DYNC1H1: variants seen among roughly 807,000 people sequenced by gnomAD.
The protein encoded by DYNC1H1 is dynein cytoplasmic 1 heavy chain 1.
Under a neutral mutation model 527.1 loss-of-function variants are expected in DYNC1H1, and 51 were observed. That is an observed-to-expected ratio of 0.10 (90% CI 0.08 to 0.12). The LOEUF is 0.12. DYNC1H1 is among the 10% of genes least tolerant of loss of function. DYNC1H1 has a pLI of 1.00. For missense variants in DYNC1H1, 2,771 were observed against 5,971.8 expected, an observed-to-expected ratio of 0.46 and a Z score of 17.66; for synonymous variants, 2,189 against 2,278.8, an observed-to-expected ratio of 0.96 and a Z score of 1.12.
intron 74 of DYNC1H1, 104 bp downstream of exon 74, chr14:102,048,773 G>A (rs1307960436): frequency 6.7e-6 from 9 of 1,342,050 alleles, no homozygotes; most frequent in Non-Finnish European, 9.0e-6. Context: ...AGCCAGGCCT[G>A]CAGGAGCTTC....
intron 2 of DYNC1H1, 32 bp downstream of exon 2, chr14:101,975,831 G>C: frequency 6.6e-7 from 1 of 1,506,058 alleles, no homozygotes; most frequent in Non-Finnish European, 9.2e-7. Flanking sequence ...ATTATCTCAG[G>C]TTATAAATTT....
intron 11 of DYNC1H1, among the ~76,000 whole-genome samples, chr14:101,993,548 G>A (rs1291118845): frequency 6.6e-6 from 1 of 152,142 alleles, no homozygotes; most frequent in African/African-American, 2.4e-5. Context: ...GAGTCTTGCT[G>A]GTCCTCAAAC....
At position 101,979,223 on chromosome 14, in the gene DYNC1H1, A is replaced by G. The variant is rs1375322603; in HGVS notation, c.345-96A>G. ...CAAGCAGTGCATTTCACTATTAGAA[A>G]AGCAACACTTCAGTATATTCTTGTA... On this transcript the variant is annotated intron_variant, in intron 2 of 77. Transcript: ENST00000360184. This position sits in a 1 kb window ranked among gnomAD's most constrained non-coding sequence, Gnocchi z 4.6. 8.0e-7 allele frequency: 1 copy of G among 1,250,246 alleles called. No homozygotes were observed. The highest frequency in any genetic ancestry group is 1.1e-6 in the Non-Finnish European group (1 of 875,370). The allele number at this position is 1,250,246 out of a possible 1,614,324, so 77.4% of individuals were successfully genotyped here. A position where few individuals can be genotyped will look rare whatever the true frequency, so the allele number is the denominator to read the frequency against.
At position 102,041,865 on chromosome 14, in the gene DYNC1H1, A is replaced by G. The variant is rs937607078; in HGVS notation, c.12102+131A>G. The stretch of plus-strand genomic sequence containing the variant: ...CCTCCTAAGACCAGGAACTCGCTGC[A>G]GATTCTCAACTCCTGGCTGCATGGT... On this transcript the variant is annotated intron_variant, in intron 65 of 77. Transcript: ENST00000360184. This position sits in a 1 kb window ranked among gnomAD's most constrained non-coding sequence, Gnocchi z 4.5. 2.4e-5 allele frequency: 37 copies of G among 1,527,254 alleles called. No homozygotes were observed. Among genetic ancestry groups the G allele is most frequent in the Middle Eastern group, 1.8e-4 (1 of 5,660 alleles). The allele number at this position is 1,527,254 out of a possible 1,614,324, so 94.6% of individuals were successfully genotyped here.
Position 101,983,347 on chromosome 14 carries a change from T to C in DYNC1H1, c.1234-35T>C. 1.2e-6 allele frequency: 2 copies of C among 1,614,088 alleles called. No homozygotes were observed. The highest frequency in any genetic ancestry group is 1.7e-6 in the Non-Finnish European group (2 of 1,179,942). ...AAGACATTGAGATGAAAATATGTCT[T>C]AATAATAAGCCTCACTTTTGAAATT... On this transcript the variant is annotated intron_variant, in intron 6 of 77. Transcript: ENST00000360184. This position sits in a 1 kb window ranked among gnomAD's most constrained non-coding sequence, Gnocchi z 5.3.
At chr14:102,019,178 G>C (rs1474838838) in intron 41 of DYNC1H1, among the ~76,000 whole-genome samples, 1 of 152,222 alleles carries the variant, frequency 6.6e-6, no homozygotes, top group Non-Finnish European at 1.5e-5. Flanking sequence ...ATATCTGCCA[G>C]ATTGCTCTCA....
At chr14:102,022,103 T>C (rs2048391155) in intron 42 of DYNC1H1, among the ~76,000 whole-genome samples, 1 of 151,736 alleles carries the variant, frequency 6.6e-6, no homozygotes, top group African/African-American at 2.4e-5. Context: ...GCCACTGCAC[T>C]TCAGCCTGGG....
chr14:102,041,815 C>T lies in DYNC1H1; in HGVS notation c.12102+81C>T, dbSNP rs2048654295. On this transcript the variant is annotated intron_variant, in intron 65 of 77. Coordinates refer to ENST00000360184, the MANE Select transcript of DYNC1H1 (RefSeq NM_001376.5). This position sits in a 1 kb window ranked among gnomAD's most constrained non-coding sequence, Gnocchi z 4.5. ...CCACAGGTGGCAGCAGCCCTGGCAT[C>T]TGCTCTCACTCCGGGCTACAGTCTC... 6 of 1,603,784 alleles carry T rather than the reference C, an allele frequency of 3.7e-6. No homozygotes were observed. Among genetic ancestry groups the T allele is most frequent in the Non-Finnish European group, 5.1e-6 (6 of 1,174,858 alleles).
chr14:101,986,022 G>C lies in DYNC1H1; in HGVS notation c.1797G>C (p.Gly599=). The C allele has an allele frequency of 6.2e-7, 1 of 1,614,204 alleles. No individual in the cohort carries two copies. ...TGTTTGTCAGGCCTCACATCCGTGG[G>C]GCCATTCGCGAATACCAGACCCAGC... The part of the protein sequence containing the change: ...NALFVRPHIR[G]AIREYQTQLI... Residue 599 remains glycine (G), a synonymous_variant, in exon 8 of 78, where the codon GGG becomes GGC. Transcript: ENST00000360184. This position sits in a 1 kb window ranked among gnomAD's most constrained non-coding sequence, Gnocchi z 8.7.
At position 102,029,760 on chromosome 14, in the gene DYNC1H1, C is replaced by T. The variant is rs1303524119; in HGVS notation, c.9642+48C>T. 1.2e-6 allele frequency: 2 copies of T among 1,614,152 alleles called. No homozygotes were observed. The highest frequency in any genetic ancestry group is 2.2e-5 in the East Asian group (1 of 44,884). On this transcript the variant is annotated intron_variant, in intron 49 of 77. Transcript: ENST00000360184. This position sits in a 1 kb window ranked among gnomAD's most constrained non-coding sequence, Gnocchi z 5.3. ...TCACGGGAGTGAGCTGCAGTGAGGA[C>T]CCCTTTCCATATAATTTCTGCATGT...
At chr14:102,034,255 A>C in intron 55 of DYNC1H1, 67 bp downstream of exon 55, 1 of 1,614,240 alleles carries the variant, frequency 6.2e-7, no homozygotes, top group Non-Finnish European at 8.5e-7. Flanking sequence ...TTTAGTGCAC[A>C]GTTAGAGTCT....
chr14:101,996,632 G>A (rs2048066145), intron 15 of DYNC1H1, among the ~76,000 whole-genome samples: 1 of 151,786 alleles, frequency 6.6e-6, no homozygotes, highest in South Asian at 2.1e-4. Context: ...TCTGTGTTTT[G>A]TTTTGTTTGA....
Position 102,005,941 on chromosome 14 carries a change from G to A in DYNC1H1, c.5487G>A (p.Lys1829=). Residue 1829 remains lysine (K), a synonymous_variant, in exon 27 of 78, where the codon AAG becomes AAA. Transcript: ENST00000360184. The surrounding 1 kb of genome is among the most constrained non-coding windows in gnomAD (Gnocchi z 4.0). Reference sequence around the variant, plus strand: ...TTACAAGGTCCTTGATCAAAAGCAAGATTGACAACGCCAAATCTTTTGAAT... The same window carrying A: ...TTACAAGGTCCTTGATCAAAAGCAAAATTGACAACGCCAAATCTTTTGAAT... ...RDVTRSLIKS[K]IDNAKSFEWL... 1 of 1,614,254 alleles carries A rather than the reference G, an allele frequency of 6.2e-7. No homozygotes were observed. The highest frequency in any genetic ancestry group is 2.2e-5 in the East Asian group (1 of 44,884).
chr14:102,018,560 C>T lies in DYNC1H1; in HGVS notation c.8287C>T (p.Arg2763Trp), dbSNP rs2048351189. ...CATGCTGAGGCTCATTCCATCCCTG[C>T]GGACGTATGCAGAGCCGCTCACTGC... ...RAMLRLIPSL[R>W]TYAEPLTAAM... Residue 2763 changes from arginine to tryptophan, a missense_variant, in exon 41 of 78, where the codon CGG (arginine) becomes TGG (tryptophan). Transcript: ENST00000360184. This position sits in a 1 kb window ranked among gnomAD's most constrained non-coding sequence, Gnocchi z 5.2. 1 of 1,614,046 alleles carries T rather than the reference C, an allele frequency of 6.2e-7. No individual in the cohort carries two copies. Among genetic ancestry groups the T allele is most frequent in the South Asian group, 1.1e-5 (1 of 91,088 alleles).
In DYNC1H1 at chr14:102,042,684, C is replaced by T; in HGVS notation, c.12449C>T (p.Pro4150Leu). 6.2e-7 allele frequency: 1 copy of T among 1,614,176 alleles called. No individual in the cohort carries two copies. The highest frequency in any genetic ancestry group is 8.5e-7 in the Non-Finnish European group (1 of 1,180,038). The change falls in exon 69 of 78, where the codon CCG (proline) becomes CTG (leucine). Residue 4150 changes from proline (P) to leucine (L), a missense_variant. Pro to Leu is a moderately conservative substitution (Grantham distance 98). Transcript: ENST00000360184. This position sits in a 1 kb window ranked among gnomAD's most constrained non-coding sequence, Gnocchi z 5.7. ...RAGRIFVFEP[P>L]PGVKANMLRT... ...GGCCGCATCTTTGTGTTCGAGCCAC[C>T]GCCAGGGGTGAAGGCCAACATGCTG...
chr14:101,994,561 C>T, intron 12 of DYNC1H1, 112 bp from the exon 13 acceptor site: 1 of 1,439,918 alleles, frequency 6.9e-7, no homozygotes, highest in Non-Finnish European at 9.5e-7. Flanking sequence ...GAGAATTTCT[C>T]TAATAGTGGT....
chr14:101,999,905 G>T, intron 16 of DYNC1H1, 84 bp from the exon 17 acceptor site: 1 of 1,599,030 alleles, frequency 6.3e-7, no homozygotes, highest in African/African-American at 1.3e-5. Flanking sequence ...AAGCCCTGCA[G>T]GCTCTGTGCA....
chr14:102,049,323 G>A lies in DYNC1H1; in HGVS notation c.13373-117G>A. ...GTGCAGCCTGGGAAAGGCAGTAGGT[G>A]GAGCCGCCAGCCGCCTGTGTGGGCA... On this transcript the variant is annotated intron_variant, in intron 74 of 77. Transcript: ENST00000360184. The surrounding 1 kb of genome is among the most constrained non-coding windows in gnomAD (Gnocchi z 5.5). 1.4e-6 allele frequency: 2 copies of A among 1,476,190 alleles called. No individual in the cohort carries two copies. Among genetic ancestry groups the A allele is most frequent in the Non-Finnish European group, 1.9e-6 (2 of 1,079,834 alleles). The allele number at this position is 1,476,190 out of a possible 1,614,324, so 91.4% of individuals were successfully genotyped here.
At chr14:101,977,537 G>A (rs959542287) in intron 2 of DYNC1H1, among the ~76,000 whole-genome samples, 7 of 152,212 alleles carry the variant, frequency 4.6e-5, no homozygotes, top group Non-Finnish European at 1.0e-4. Flanking sequence ...AATTCAAGAA[G>A]TGTAAGATTG....
Sources: allele counts gnomAD v4.1 joint callset (sites outside exome capture counted in the v4.1 genomes callset), GRCh38; gene constraint gnomAD v4.1.1; non-coding constraint Gnocchi (gnomAD v3.1); transcripts MANE v1.5; gene names NCBI Gene and HGNC (gene_info 2026-07-23, HGNC 2026-07-21).